COMMD1: variants seen among roughly 807,000 people sequenced by gnomAD.
COMMD1 encodes COMM domain-containing protein 1.
A neutral mutation model predicts 17.2 loss-of-function variants in COMMD1; 10 were observed. The ratio of observed to expected loss-of-function variants is 0.58; its 90% CI spans 0.36 to 0.99. The LOEUF (loss-of-function observed/expected upper bound fraction) is 0.99, where lower values mean the gene tolerates loss of function less well. Among genes scored for constraint, COMMD1 ranks in the 50% least tolerant of loss-of-function variants. The probability of loss-of-function intolerance (pLI) is 0.01; values close to 1 mark genes in which losing one functional copy is unlikely to be tolerated. For missense variants in COMMD1, 270 were observed against 231.8 expected, an observed-to-expected ratio of 1.17 and a Z score of -1.07; for synonymous variants, 97 against 91.6, an observed-to-expected ratio of 1.06 and a Z score of -0.34.
At chr2:61,938,930 T>C (rs951778586) in intron 1 of COMMD1, among the ~76,000 whole-genome samples, 22 of 152,226 alleles carry the variant, frequency 1.4e-4, no homozygotes, top group African/African-American at 5.1e-4. Context: ...AGAAAAATTA[T>C]AATCTGGTAC....
intron 2 of COMMD1, among the ~76,000 whole-genome samples, chr2:62,019,478 A>G (rs997239953): frequency 6.6e-6 from 1 of 152,038 alleles, no homozygotes; most frequent in African/African-American, 2.4e-5. Flanking sequence ...CCCGGCCCTA[A>G]AAGCTCTTTT....
At chr2:61,903,076 G>T (rs765654816), upstream of COMMD1, among the ~76,000 whole-genome samples, 1 of 152,030 alleles carries the variant, frequency 6.6e-6, no homozygotes, top group Admixed American at 6.6e-5. Context: ...GGTTTACTTG[G>T]AGCCATGGAA....
intron 1 of COMMD1, among the ~76,000 whole-genome samples, chr2:61,913,366 C>CCAAAAAA (rs1669960219): frequency 2.4e-5 from 1 of 41,994 alleles, no homozygotes; most frequent in African/African-American, 8.0e-5. Context: ...GACTCCATCT[C>CCAAAAAA]AAAAAAAAAA....
chr2:61,969,516 C>G (rs954920218), intron 1 of COMMD1, among the ~76,000 whole-genome samples: 1 of 152,160 alleles, frequency 6.6e-6, no homozygotes, highest in Non-Finnish European at 1.5e-5. Context: ...TGACATAGCA[C>G]GTTCTTGGAA....
intron 1 of COMMD1, among the ~76,000 whole-genome samples, chr2:61,995,946 A>G (rs1340386114): frequency 6.6e-6 from 1 of 152,226 alleles, no homozygotes; most frequent in Non-Finnish European, 1.5e-5. Flanking sequence ...AGCGAGTCAC[A>G]TGAATTTTTT....
chr2:62,019,526 C>T (rs1221807560), intron 2 of COMMD1, among the ~76,000 whole-genome samples: 1 of 152,072 alleles, frequency 6.6e-6, no homozygotes, highest in African/African-American at 2.4e-5. Context: ...GTGGAGCCCT[C>T]ATGATATAAA....
intron 1 of COMMD1, among the ~76,000 whole-genome samples, chr2:61,969,370 C>T (rs1671588561): frequency 6.6e-6 from 1 of 152,134 alleles, no homozygotes; most frequent in South Asian, 2.1e-4. Context: ...AAAACATTCT[C>T]TTTAAGACTC....
chr2:62,130,840 G>A (rs933838834), intron 2 of COMMD1, among the ~76,000 whole-genome samples: 2 of 152,228 alleles, frequency 1.3e-5, no homozygotes, highest in African/African-American at 2.4e-5. Context: ...TTAGTGTGTA[G>A]ATGGATAAAA....
At chr2:62,054,623 T>C (rs1347096531) in intron 2 of COMMD1, among the ~76,000 whole-genome samples, 1 of 152,142 alleles carries the variant, frequency 6.6e-6, no homozygotes, top group Non-Finnish European at 1.5e-5. Flanking sequence ...AAGTAGCACA[T>C]GTTCTCACTC....
chr2:62,039,705 T>C (rs935975342), intron 2 of COMMD1, among the ~76,000 whole-genome samples: 9 of 152,240 alleles, frequency 5.9e-5, no homozygotes, highest in African/African-American at 2.2e-4. Context: ...GTGTGAGATA[T>C]GCCAGGTAGT....
At chr2:61,999,668 G>T (rs560050908) in intron 1 of COMMD1, among the ~76,000 whole-genome samples, 2 of 152,054 alleles carry the variant, frequency 1.3e-5, no homozygotes, top group South Asian at 4.2e-4. Flanking sequence ...GGCTCCAGCT[G>T]TCCTCCTGCC....
chr2:61,961,704 C>T (rs1308344812), intron 1 of COMMD1, among the ~76,000 whole-genome samples: 1 of 151,990 alleles, frequency 6.6e-6, no homozygotes, highest in East Asian at 1.9e-4. Context: ...TGCTTGATTT[C>T]TTTAATTTTC....
intron 2 of COMMD1, among the ~76,000 whole-genome samples, chr2:62,040,364 T>C (rs942834784): frequency 6.6e-6 from 1 of 152,150 alleles, no homozygotes; most frequent in Non-Finnish European, 1.5e-5. Context: ...GGCCAGAGGG[T>C]TGAGTACAAT....
At chr2:61,950,345 T>C (rs1281489130) in intron 1 of COMMD1, among the ~76,000 whole-genome samples, 2 of 152,262 alleles carry the variant, frequency 1.3e-5, no homozygotes, top group African/African-American at 2.4e-5. Flanking sequence ...GTTGGGGACC[T>C]GCACATTATC....
chr2:61,963,190 T>TATACACACACACACAC (rs1280301014), intron 1 of COMMD1, among the ~76,000 whole-genome samples: 1 of 136,378 alleles, frequency 7.3e-6, no homozygotes, highest in African/African-American at 2.9e-5. Context: ...ATATATTATA[T>TATACACACACACACAC]ACACACACAC....
intron 2 of COMMD1, among the ~76,000 whole-genome samples, chr2:62,102,593 C>T (rs1017064930): frequency 3.3e-5 from 5 of 152,154 alleles, no homozygotes; most frequent in Non-Finnish European, 5.9e-5. Context: ...CTTCTGCCCC[C>T]TGCTCTCCTG....
At chr2:61,986,332 G>A (rs900547674) in intron 1 of COMMD1, among the ~76,000 whole-genome samples, 3 of 151,918 alleles carry the variant, frequency 2.0e-5, no homozygotes, top group African/African-American at 4.8e-5. Context: ...TTTCAGGAGT[G>A]TAATTATTAA....
At chr2:61,981,274 T>C (rs746883868) in intron 1 of COMMD1, among the ~76,000 whole-genome samples, 48 of 152,212 alleles carry the variant, frequency 3.2e-4, no homozygotes, top group Non-Finnish European at 5.4e-4. Flanking sequence ...TGTAGTTTCA[T>C]AGTTTGAGGT....
In COMMD1 at chr2:61,976,831, A is replaced by AT. The variant is rs776935788; in HGVS notation, c.181-23855dup. On this transcript the variant is annotated intron_variant, in intron 1 of 2. Coordinates refer to ENST00000311832, the MANE Select transcript of COMMD1 (RefSeq NM_152516.4). Reference sequence around the variant, plus strand: ...AACAAATGTACCACAGTGATGTGGGATTTTTTTTTTTTTTTGAGACGGAGT... The same window carrying AT: ...AACAAATGTACCACAGTGATGTGGGATTTTTTTTTTTTTTTTGAGACGGAGT... Among the ~76,000 whole-genome samples the AT allele has an allele frequency of 3.8e-3, 548 of 144,136 alleles. 1 individual carries two copies. Among genetic ancestry groups the AT allele is most frequent in the Middle Eastern group, 0.011 (3 of 274 alleles). 94.6% of individuals were successfully genotyped at this position (144,136 alleles called of 152,430 possible). A position where few individuals can be genotyped will look rare whatever the true frequency, so the allele number is the denominator to read the frequency against.
Sources: gnomAD v4.1 joint callset for allele counts (sites outside exome capture counted in the v4.1 genomes callset) on GRCh38, gnomAD v4.1.1 for gene constraint, MANE v1.5 for transcripts, NCBI Gene and HGNC (gene_info 2026-07-23, HGNC 2026-07-21) for gene names.